Variants in CSMD1 observed in about 807,000 individuals in gnomAD.
CSMD1 encodes the protein CUB and Sushi multiple domains 1.
Under a neutral mutation model 417.5 loss-of-function variants are expected in CSMD1, and 213 were observed. That is an observed-to-expected ratio of 0.51 (90% CI 0.46 to 0.57). The LOEUF is 0.57. CSMD1 is among the 20% of genes least tolerant of loss of function. The probability of loss-of-function intolerance (pLI) is 0.00; values close to 1 mark genes in which losing one functional copy is unlikely to be tolerated. For missense variants in CSMD1, 6,923 were observed against 4,529.7 expected (o/e 1.53, Z -15.17); for synonymous variants, 2,862 against 1,736.8 (o/e 1.65, Z -16.11).
At chr8:3,473,394 T>A (rs1817220248) in intron 11 of CSMD1, among the ~76,000 whole-genome samples, 1 of 152,218 alleles carries the variant, frequency 6.6e-6, no homozygotes, top group East Asian at 1.9e-4. Flanking sequence ...TTAAAGCTGA[T>A]TAACTTACAA....
chr8:3,767,414 T>C (rs778625160), intron 5 of CSMD1, among the ~76,000 whole-genome samples: 1 of 152,184 alleles, frequency 6.6e-6, no homozygotes, highest in Non-Finnish European at 1.5e-5. Context: ...AACCTCAGAA[T>C]TGTTCATTGT....
At chr8:4,516,061 G>A (rs895204089) in intron 2 of CSMD1, among the ~76,000 whole-genome samples, 1 of 152,100 alleles carries the variant, frequency 6.6e-6, no homozygotes, top group African/African-American at 2.4e-5. Flanking sequence ...CTGCTATGTT[G>A]AAATCTCAAC....
intron 2 of CSMD1, among the ~76,000 whole-genome samples, chr8:4,548,682 C>T (rs555899468): frequency 9.2e-5 from 14 of 152,086 alleles, no homozygotes; most frequent in Admixed American, 8.5e-4. Context: ...TTTCCATCTA[C>T]CTGTCTACAA....
chr8:3,975,219 A>G (rs566141172), intron 5 of CSMD1, among the ~76,000 whole-genome samples: 31 of 152,284 alleles, frequency 2.0e-4, no homozygotes, highest in African/African-American at 7.2e-4. Context: ...ATAATTGATT[A>G]CTTGGTTTAT....
intron 2 of CSMD1, among the ~76,000 whole-genome samples, chr8:4,553,129 G>A (rs371501603): frequency 3.3e-5 from 5 of 152,160 alleles, no homozygotes; most frequent in East Asian, 1.9e-4. Context: ...TATGAGCCCC[G>A]TACCTTGTGA....
At chr8:4,640,979 A>C (rs1803154451) in intron 1 of CSMD1, among the ~76,000 whole-genome samples, 1 of 151,630 alleles carries the variant, frequency 6.6e-6, no homozygotes, top group African/African-American at 2.4e-5. Flanking sequence ...AGAAGTATAT[A>C]TATATGTATG....
At chr8:3,294,718 C>G (rs1194782307) in intron 25 of CSMD1, among the ~76,000 whole-genome samples, 1 of 152,162 alleles carries the variant, frequency 6.6e-6, no homozygotes, top group Non-Finnish European at 1.5e-5. Flanking sequence ...CAGGTGCCAT[C>G]TGTCACCCCT....
chr8:4,713,921 G>T (rs183972419), intron 1 of CSMD1, among the ~76,000 whole-genome samples: 3 of 152,200 alleles, frequency 2.0e-5, no homozygotes, highest in African/African-American at 4.8e-5. Context: ...GAGGAGGGTG[G>T]ATCACTTGAG....
Position 4,485,671 on chromosome 8 carries a change from G to A in CSMD1, c.303-65606C>T, listed in dbSNP as rs139665257. On this transcript the variant is annotated intron_variant, in intron 2 of 69. Coordinates refer to ENST00000635120, the MANE Select transcript of CSMD1 (RefSeq NM_033225.6). The stretch of plus-strand genomic sequence containing the variant: ...TCGCAGAGCCCAGGTAAATGAGGCT[G>A]ACCAAAATCAAGCTGTTAACAAATT... Among the ~76,000 whole-genome samples the A allele has an allele frequency of 1.7e-3, 261 of 152,162 alleles. 1 individual carries two copies. Among genetic ancestry groups the A allele is most frequent in the Middle Eastern group, 0.014 (4 of 294 alleles).
intron 1 of CSMD1, among the ~76,000 whole-genome samples, chr8:4,713,183 A>G (rs569665721): frequency 6.6e-6 from 1 of 152,332 alleles, no homozygotes; most frequent in East Asian, 1.9e-4. Context: ...AACACATTAA[A>G]TCATTATCAA....
chr8:4,560,349 C>T (rs577129361), intron 2 of CSMD1, among the ~76,000 whole-genome samples: 30 of 152,264 alleles, frequency 2.0e-4, no homozygotes, highest in African/African-American at 6.7e-4. Flanking sequence ...ACATGTGTTG[C>T]CTGAGTCATT....
At chr8:4,700,835 G>A (rs932845821) in intron 1 of CSMD1, among the ~76,000 whole-genome samples, 3 of 152,142 alleles carry the variant, frequency 2.0e-5, no homozygotes, top group Non-Finnish European at 4.4e-5. Context: ...AAAGGTAACA[G>A]CAAGAATAGG....
chr8:4,360,180 C>T (rs770751892), intron 3 of CSMD1, among the ~76,000 whole-genome samples: 5 of 152,108 alleles, frequency 3.3e-5, no homozygotes, highest in Admixed American at 2.0e-4. Context: ...TGACTGTCAC[C>T]GAGTAAACGC....
chr8:2,983,415 T>C (rs1796133630), intron 54 of CSMD1, among the ~76,000 whole-genome samples: 1 of 152,170 alleles, frequency 6.6e-6, no homozygotes, highest in Admixed American at 6.5e-5. Flanking sequence ...CTCTATCTCC[T>C]GACCTCGTGA....
chr8:3,836,986 T>C (rs994310126), intron 5 of CSMD1, among the ~76,000 whole-genome samples: 3 of 152,022 alleles, frequency 2.0e-5, no homozygotes, highest in African/African-American at 4.8e-5. Context: ...AGAACTAAGA[T>C]CCTTAATTAG....
chr8:4,257,325 A>G (rs1803533498), intron 3 of CSMD1, among the ~76,000 whole-genome samples: 1 of 152,148 alleles, frequency 6.6e-6, no homozygotes, highest in South Asian at 2.1e-4. Flanking sequence ...AATGATAACT[A>G]TTTTTAACCA....
chr8:4,957,112 C>T (rs1484733942), intron 1 of CSMD1, among the ~76,000 whole-genome samples: 1 of 152,136 alleles, frequency 6.6e-6, no homozygotes, highest in African/African-American at 2.4e-5. Flanking sequence ...TATAATAAAT[C>T]ATGAAGAGTA....
chr8:3,850,681 T>C (rs1323607535), intron 5 of CSMD1, among the ~76,000 whole-genome samples: 1 of 151,772 alleles, frequency 6.6e-6, no homozygotes, highest in East Asian at 1.9e-4. Flanking sequence ...GGTGACAGAG[T>C]GCGACTCTGT....
intron 25 of CSMD1, among the ~76,000 whole-genome samples, chr8:3,299,321 A>C (rs923393122): frequency 5.3e-5 from 8 of 152,116 alleles, no homozygotes; most frequent in Non-Finnish European, 1.2e-4. Context: ...GCATGGTGGC[A>C]GACACCTGTA....
Sources: gnomAD v4.1 joint callset for allele counts (sites outside exome capture counted in the v4.1 genomes callset) on GRCh38, gnomAD v4.1.1 for gene constraint, MANE v1.5 for transcripts, NCBI Gene and HGNC (gene_info 2026-07-23, HGNC 2026-07-21) for gene names.